DHX36: variants seen among roughly 807,000 people sequenced by gnomAD.
The protein encoded by DHX36 is DEAH-box helicase 36.
DHX36 carries 50 observed loss-of-function variants against 139.0 expected under a neutral mutation model. That is an observed-to-expected ratio of 0.36 (90% CI 0.29 to 0.46). The LOEUF (loss-of-function observed/expected upper bound fraction) is 0.46, where lower values mean the gene tolerates loss of function less well. Among genes scored for constraint, DHX36 ranks in the 20% least tolerant of loss-of-function variants. The probability of loss-of-function intolerance (pLI) is 1.00; values close to 1 mark genes in which losing one functional copy is unlikely to be tolerated. For synonymous variants in DHX36, 425 were observed against 401.9 expected (o/e 1.06, Z -0.69); for missense variants, 1,024 against 1,211.3 (o/e 0.85, Z 2.29).
chr3:154,310,796 AAAAAAAAAAAATATATAT>A, intron 4 of DHX36, among the ~76,000 whole-genome samples: 1 of 39,222 alleles, frequency 2.5e-5, no homozygotes, highest in Non-Finnish European at 4.7e-5. Context: ...AAAAAAAAAA[AAAAAAAAAAAATATATAT>A]ATATATATAT....
At chr3:154,295,927 TTGGC>T (rs977400669) in intron 12 of DHX36, among the ~76,000 whole-genome samples, 2 of 151,912 alleles carry the variant, frequency 1.3e-5, no homozygotes, top group African/African-American at 4.8e-5. Flanking sequence ...ACAACCATGT[TTGGC>T]TAATTTTTGT....
At position 154,288,956 on chromosome 3, in the gene DHX36, C is replaced by T. The variant is rs1235506539; in HGVS notation, c.1941G>A (p.Arg647=). 2 of 1,547,118 alleles carry T rather than the reference C, an allele frequency of 1.3e-6. No homozygotes were observed. The highest frequency in any genetic ancestry group is 1.3e-5 in the South Asian group (1 of 78,458). Residue 647 remains arginine (R), a synonymous_variant, in exon 17 of 25, where the codon AGG becomes AGA. Coordinates refer to ENST00000496811, the MANE Select transcript of DHX36 (RefSeq NM_020865.3). Reference sequence around the variant, plus strand: ...TCAGAAAATAAGCAATTCCACCTAGCCTTAAAATCTAAGTGGGGGAGACAA... The same window carrying T: ...TCAGAAAATAAGCAATTCCACCTAGTCTTAAAATCTAAGTGGGGGAGACAA... ...EELCLQIKIL[R]LGGIAYFLSR...
At position 154,284,918 on chromosome 3, in the gene DHX36, G is replaced by A. The variant is rs1449445667; in HGVS notation, c.2101C>T (p.His701Tyr). ...CCAAAAAGAATCATTTTTCCAATAT[G>A]TGGCTCAACGGGTAATCGTGCCAAG... is the stretch of plus-strand genomic sequence containing the variant. ...VHLARLPVEP[H>Y]IGKMILFGAL... The change falls in exon 18 of 25, where the codon CAT becomes TAT. Residue 701 changes from histidine (H) to tyrosine (Y), a missense_variant. His to Tyr is a moderately conservative substitution (Grantham distance 83). Around this residue, in one of 4 missense-constraint regions of DHX36, gnomAD observed 470 missense variants for 616.2 expected, o/e 0.76. Coordinates refer to ENST00000496811, the MANE Select transcript of DHX36 (RefSeq NM_020865.3). 1 of 1,614,012 alleles carries A rather than the reference G, an allele frequency of 6.2e-7. No homozygotes were observed. The highest frequency in any genetic ancestry group is 1.3e-5 in the African/African-American group (1 of 74,902).
chr3:154,298,893 AAG>A (rs757694438), intron 12 of DHX36, among the ~76,000 whole-genome samples: 36 of 152,258 alleles, frequency 2.4e-4, no homozygotes, highest in Non-Finnish European at 4.7e-4. Context: ...CAGCCTGGGC[AAG>A]AGAGTGAGAT....
intron 12 of DHX36, 85 bp from the exon 13 acceptor site, chr3:154,295,424 C>G (rs1274701274): frequency 1.8e-6 from 1 of 571,000 alleles, no homozygotes; most frequent in Non-Finnish European, 3.0e-6. Context: ...AATTCAGAAG[C>G]TGAACCACTC....
intron 17 of DHX36, among the ~76,000 whole-genome samples, chr3:154,286,245 A>G (rs1711550583): frequency 6.6e-6 from 1 of 150,876 alleles, no homozygotes; most frequent in Non-Finnish European, 1.5e-5. Context: ...TCCTTTAAGA[A>G]GAATAAGACA....
chr3:154,311,317 T>C (rs1253647894), intron 4 of DHX36, among the ~76,000 whole-genome samples: 1 of 152,140 alleles, frequency 6.6e-6, no homozygotes, highest in Admixed American at 6.5e-5. Flanking sequence ...AATACAATAA[T>C]TTGTATATTA....
chr3:154,280,673 T>TG lies in DHX36; in HGVS notation c.2477-5dup, dbSNP rs956741079. ...GCTTTAATTATCTTCTCATTATCTATGGGGGGTGAGAAGGTAGAGGGGAAA... is the reference window on the plus strand; with the variant it reads ...GCTTTAATTATCTTCTCATTATCTATGGGGGGGTGAGAAGGTAGAGGGGAAA... On this transcript the variant is annotated splice_polypyrimidine_tract_variant and splice_region_variant and intron_variant, in intron 21 of 24. Coordinates refer to ENST00000496811, the MANE Select transcript of DHX36 (RefSeq NM_020865.3). The TG allele has an allele frequency of 5.0e-6, 8 of 1,611,748 alleles. No individual in the cohort carries two copies. The highest frequency in any genetic ancestry group is 3.3e-5 in the South Asian group (3 of 90,828).
At chr3:154,302,334 C>T (rs961648057) in intron 9 of DHX36, among the ~76,000 whole-genome samples, 6 of 152,170 alleles carry the variant, frequency 3.9e-5, no homozygotes, top group African/African-American at 1.4e-4. Flanking sequence ...TACATAACTG[C>T]CTGATACACA....
At chr3:154,317,377 T>C (rs753519090) in intron 1 of DHX36, among the ~76,000 whole-genome samples, 10 of 152,002 alleles carry the variant, frequency 6.6e-5, no homozygotes, top group Non-Finnish European at 1.2e-4. Context: ...AGAGTTATGA[T>C]AGAAATTTTG....
intron 21 of DHX36, 24 bp downstream of exon 21, chr3:154,280,738 AT>A (rs1311731712): frequency 6.2e-7 from 1 of 1,607,918 alleles, no homozygotes; most frequent in African/African-American, 1.3e-5. Flanking sequence ...AAAGATACTT[AT>A]TTACACTGTG....
At chr3:154,322,734 T>G (rs1713240174) in intron 1 of DHX36, among the ~76,000 whole-genome samples, 1 of 152,208 alleles carries the variant, frequency 6.6e-6, no homozygotes, top group Non-Finnish European at 1.5e-5. Context: ...TCTGTTTAGG[T>G]ATTATTTTCT....
chr3:154,297,759 T>C (rs1030695068), intron 12 of DHX36, among the ~76,000 whole-genome samples: 1 of 151,796 alleles, frequency 6.6e-6, no homozygotes, highest in African/African-American at 2.4e-5. Flanking sequence ...AAATGTTTCA[T>C]TATAAAAAGT....
chr3:154,314,534 G>A (rs1712888602), intron 3 of DHX36: 1 of 152,610 alleles, frequency 6.6e-6, no homozygotes, highest in Non-Finnish European at 1.5e-5. Context: ...TGTTTTAACT[G>A]AAAGGGACCT....
rs750970956 is a variant in DHX36, at chr3:154,300,688, G to A, written c.1367C>T (p.Ala456Val). 21 of 1,608,740 alleles carry A rather than the reference G, an allele frequency of 1.3e-5. 2 individuals are homozygous for A. The South Asian group carries it at 2.3e-4, about 18-fold the overall frequency. ...CATTTCTATAACATCTACAGTACTT[G>A]CAGAATACCTATCAAAGTTAAACAC... ...YVRELRRRYSASTVDVIEMME... is the reference protein window; with the variant it reads ...YVRELRRRYSVSTVDVIEMME... Residue 456 changes from alanine (A) to valine (V), a missense_variant, in exon 11 of 25, where the codon GCA (alanine) becomes GTA (valine). Ala to Val is a moderately conservative substitution (Grantham distance 64). Transcript: ENST00000496811.
intron 19 of DHX36, among the ~76,000 whole-genome samples, chr3:154,283,794 T>A (rs1392180510): frequency 6.6e-6 from 1 of 152,140 alleles, no homozygotes; most frequent in Non-Finnish European, 1.5e-5. Flanking sequence ...CCAAATTACA[T>A]TTAAATTTTA....
chr3:154,286,136 A>T (rs1055157908), intron 17 of DHX36, among the ~76,000 whole-genome samples: 2 of 144,338 alleles, frequency 1.4e-5, no homozygotes, highest in Non-Finnish European at 3.0e-5. Flanking sequence ...ATGTCTTAGT[A>T]AACTTAACGT....
In DHX36 at chr3:154,277,729, A is replaced by G; in HGVS notation, c.2568-11T>C. 6.3e-7 allele frequency: 1 copy of G among 1,590,480 alleles called. No individual in the cohort carries two copies. The highest frequency in any genetic ancestry group is 1.3e-5 in the African/African-American group (1 of 74,476). On this transcript the variant is annotated splice_polypyrimidine_tract_variant and intron_variant, in intron 22 of 24. Coordinates refer to ENST00000496811, the MANE Select transcript of DHX36 (RefSeq NM_020865.3). The stretch of plus-strand genomic sequence containing the variant: ...GTGTAAACTTTTACCCTTTAAAAAA[A>G]GTTAAAATGCAGTTTGTTAAAAAGA...
intron 12 of DHX36, among the ~76,000 whole-genome samples, chr3:154,296,969 G>T (rs115468869): frequency 1.7e-3 from 264 of 152,312 alleles, no homozygotes; most frequent in African/African-American, 6.0e-3. Flanking sequence ...CAAGCTTTCA[G>T]ATATAACTTT....
Sources: gnomAD v4.1 joint callset for allele counts (sites outside exome capture counted in the v4.1 genomes callset) on GRCh38, gnomAD v4.1.1 for gene constraint, gnomAD v4.1.1 regional missense constraint, MANE v1.5 for transcripts, NCBI Gene and HGNC (gene_info 2026-07-23, HGNC 2026-07-21) for gene names.